The following VPS13B variants were observed in gnomAD, a reference collection of about 807,000 sequenced individuals.
VPS13B encodes the protein intermembrane lipid transfer protein VPS13B.
VPS13B carries 285 observed loss-of-function variants against 426.4 expected under a neutral mutation model. That is an observed-to-expected ratio of 0.67 (90% CI 0.61 to 0.74). The LOEUF (loss-of-function observed/expected upper bound fraction) is 0.74. Among genes scored for constraint, VPS13B ranks in the 30% least tolerant of loss-of-function variants. The pLI is 0.00. For synonymous variants in VPS13B, 1,676 were observed against 1,676.4 expected, an observed-to-expected ratio of 1.00 and a Z score of 0.01; for missense variants, 4,537 against 4,782.6, an observed-to-expected ratio of 0.95 and a Z score of 1.51.
chr8:99,870,924 ATATTG>A (rs1817374845), intron 60 of VPS13B, 37 bp downstream of exon 60: 2 of 1,596,226 alleles, frequency 1.3e-6, no homozygotes, highest in Admixed American at 3.3e-5. Context: ...CTTTACATCC[ATATTG>A]TATGTTAATA....
At chr8:99,772,432 G>C (rs1243528240) in intron 40 of VPS13B, among the ~76,000 whole-genome samples, 1 of 152,054 alleles carries the variant, frequency 6.6e-6, no homozygotes, top group Non-Finnish European at 1.5e-5. Context: ...TTCATAAAGA[G>C]CATAGTGGTG....
intron 3 of VPS13B, among the ~76,000 whole-genome samples, chr8:99,067,952 C>T (rs549188691): frequency 1.3e-5 from 2 of 152,306 alleles, no homozygotes; most frequent in South Asian, 2.1e-4. Flanking sequence ...ATTGTTTTCC[C>T]ATGACACTTT....
chr8:99,339,220 C>T (rs993565683), intron 19 of VPS13B, among the ~76,000 whole-genome samples: 2 of 152,020 alleles, frequency 1.3e-5, no homozygotes, highest in Admixed American at 1.3e-4. Flanking sequence ...TGTATTAGGT[C>T]GTTCTTGCAT....
chr8:99,569,447 G>GAAA (rs372498776), intron 31 of VPS13B, among the ~76,000 whole-genome samples: 3 of 135,106 alleles, frequency 2.2e-5, no homozygotes, highest in Non-Finnish European at 3.2e-5. Flanking sequence ...ACACAAAAGG[G>GAAA]AAAAAAAAAA....
At chr8:99,819,845 G>A in intron 48 of VPS13B, 76 bp from the exon 49 acceptor site, 1 of 1,556,734 alleles carries the variant, frequency 6.4e-7, no homozygotes, top group Non-Finnish European at 8.8e-7. Flanking sequence ...GGTGTGTTTG[G>A]AATCTTTAAA....
chr8:99,752,470 A>C (rs906177591), intron 39 of VPS13B, among the ~76,000 whole-genome samples: 2 of 152,198 alleles, frequency 1.3e-5, no homozygotes, highest in African/African-American at 4.8e-5. Context: ...TATATACTAC[A>C]ATAGTCAGAG....
chr8:99,576,146 T>C (rs1825763826), intron 32 of VPS13B, among the ~76,000 whole-genome samples: 1 of 152,110 alleles, frequency 6.6e-6, no homozygotes, highest in Non-Finnish European at 1.5e-5. Flanking sequence ...TTCAAACTGA[T>C]CAATAGAAGA....
chr8:99,656,288 T>G (rs533872359), intron 34 of VPS13B, among the ~76,000 whole-genome samples: 1 of 152,316 alleles, frequency 6.6e-6, no homozygotes, highest in Admixed American at 6.5e-5. Context: ...TTTCCTACCT[T>G]CTGTTACTCC....
intron 33 of VPS13B, among the ~76,000 whole-genome samples, chr8:99,598,933 A>G (rs1476035575): frequency 6.6e-6 from 1 of 151,834 alleles, no homozygotes; most frequent in Admixed American, 6.6e-5. Flanking sequence ...TACTTTAGCC[A>G]ACATAAAATA....
chr8:99,802,948 G>A (rs1813201081), intron 43 of VPS13B, among the ~76,000 whole-genome samples: 1 of 152,162 alleles, frequency 6.6e-6, no homozygotes, highest in African/African-American at 2.4e-5. Flanking sequence ...ATTGTTTTAA[G>A]GAATAAGTAA....
At chr8:99,217,342 C>T (rs924252315) in intron 17 of VPS13B, among the ~76,000 whole-genome samples, 1 of 152,106 alleles carries the variant, frequency 6.6e-6, no homozygotes, top group African/African-American at 2.4e-5. Context: ...GGCGCAGAGG[C>T]AGTAACACGG....
intron 33 of VPS13B, among the ~76,000 whole-genome samples, chr8:99,626,184 A>G (rs765981890): frequency 2.0e-5 from 3 of 152,374 alleles, no homozygotes; most frequent in Middle Eastern, 3.4e-3. Flanking sequence ...TAAAAGGCAG[A>G]AGCAACCTGT....
chr8:99,193,099 G>A (rs976773405), intron 17 of VPS13B, 42 bp downstream of exon 17: 1 of 1,592,570 alleles, frequency 6.3e-7, no homozygotes, highest in Non-Finnish European at 8.6e-7. Context: ...GAAAATTTGT[G>A]TTAGAGGCAA....
At chr8:99,087,542 C>T (rs573844101) in intron 3 of VPS13B, among the ~76,000 whole-genome samples, 20 of 151,584 alleles carry the variant, frequency 1.3e-4, no homozygotes, top group African/African-American at 3.1e-4. Context: ...CTGTCTTCTG[C>T]ATCGCTCATG....
Position 99,823,912 on chromosome 8 carries a change from T to A in VPS13B, c.9264T>A (p.Asn3088Lys). The A allele has an allele frequency of 6.2e-7, 1 of 1,613,542 alleles. No individual in the cohort carries two copies. Among genetic ancestry groups the A allele is most frequent in the Non-Finnish European group, 8.5e-7 (1 of 1,179,792 alleles). The change falls in exon 51 of 62, where the codon AAT (asparagine) becomes AAA (lysine). Residue 3088 changes from asparagine (N) to lysine (K), a missense_variant. This residue lies in a region of VPS13B where 4,311 missense variants were observed against 4,474.3 expected (regional missense o/e 0.96). Transcript: ENST00000357162. Reference protein sequence around the residue: ...IQIEDKTTIINNTPYQIFYKP... With the variant: ...IQIEDKTTIIKNTPYQIFYKP... Reference sequence around the variant, plus strand: ...TTGAAGACAAGACTACAATAATCAATAATACACCATATCAAATATTTTATA... The same window carrying A: ...TTGAAGACAAGACTACAATAATCAAAAATACACCATATCAAATATTTTATA...
chr8:99,023,763 G>A (rs541338632), intron 2 of VPS13B, among the ~76,000 whole-genome samples: 1 of 152,288 alleles, frequency 6.6e-6, no homozygotes, highest in South Asian at 2.1e-4. Flanking sequence ...ACAGGTGTGA[G>A]CCACTGCACC....
intron 35 of VPS13B, 137 bp from the exon 36 acceptor site, chr8:99,699,388 T>C: frequency 1.1e-6 from 1 of 883,688 alleles, no homozygotes; most frequent in Non-Finnish European, 1.8e-6. Context: ...GAGTAAGAGA[T>C]ATATCATGTT....
intron 24 of VPS13B, among the ~76,000 whole-genome samples, chr8:99,470,207 A>G (rs1819332009): frequency 6.6e-6 from 1 of 152,162 alleles, no homozygotes; most frequent in South Asian, 2.1e-4. Flanking sequence ...AAAACATAAG[A>G]TATCTCTTAG....
chr8:99,658,640 T>C lies in VPS13B; in HGVS notation c.5909-2714T>C, dbSNP rs572204616. Among the ~76,000 whole-genome samples, 13 of 152,328 alleles carry C rather than the reference T, an allele frequency of 8.5e-5. No homozygotes were observed. The East Asian group carries it at 2.3e-3, about 27-fold the overall frequency. On this transcript the variant is annotated intron_variant, in intron 34 of 61. Coordinates refer to ENST00000357162, the MANE Select transcript of VPS13B (RefSeq NM_152564.5). ...ATTTACACACTTACCTGACTTCTTA[T>C]TTGGATTAAATTCCTACACATTAAT...
Sources: allele counts gnomAD v4.1 joint callset (sites outside exome capture counted in the v4.1 genomes callset), GRCh38; gene constraint gnomAD v4.1.1; regional missense constraint gnomAD v4.1.1; transcripts MANE v1.5; gene names NCBI Gene and HGNC (gene_info 2026-07-23, HGNC 2026-07-21).